Variants in SORL1-AS1 observed in about 807,000 individuals in gnomAD.
The protein encoded by SORL1-AS1 is lncRNA 51 A.
chr11:121,451,992 G>A (rs2134755762), intron 1 of SORL1-AS1, among the ~76,000 whole-genome samples: 1 of 152,320 alleles, frequency 6.6e-6, no homozygotes, highest in African/African-American at 2.4e-5. Flanking sequence ...GGGAGAACAA[G>A]GAGGTGTGCC....
At chr11:121,442,005 T>C in the SORL1-AS1 span, among the ~76,000 whole-genome samples, 1 of 152,194 alleles carries the variant, frequency 6.6e-6, no homozygotes, top group African/African-American at 2.4e-5. Flanking sequence ...AGTTTATTCA[T>C]GCCCAATCAT....
At chr11:121,438,712 G>T in the SORL1-AS1 span, among the ~76,000 whole-genome samples, 2 of 152,198 alleles carry the variant, frequency 1.3e-5, no homozygotes, top group Non-Finnish European at 2.9e-5. Context: ...CATTGGCATT[G>T]TTTCCAAAGT....
At chr11:121,446,170 T>A (rs993733201), downstream of SORL1-AS1, among the ~76,000 whole-genome samples, 2 of 152,260 alleles carry the variant, frequency 1.3e-5, no homozygotes, top group Non-Finnish European at 2.9e-5. Flanking sequence ...GGATCTACTC[T>A]GTCTCTGTTA....
chr11:121,444,604 G>A (rs147141789), downstream of SORL1-AS1, among the ~76,000 whole-genome samples: 1 of 152,304 alleles, frequency 6.6e-6, no homozygotes, highest in Non-Finnish European at 1.5e-5. Flanking sequence ...AATGATCTGG[G>A]CAAGATTAAA....
downstream of SORL1-AS1, among the ~76,000 whole-genome samples, chr11:121,446,298 A>G (rs931684415): frequency 6.6e-6 from 1 of 152,222 alleles, no homozygotes; most frequent in African/African-American, 2.4e-5. Flanking sequence ...AAGAGGCCTA[A>G]AGCAAGTTTC....
chr11:121,446,969 C>T (rs1262648311), downstream of SORL1-AS1, among the ~76,000 whole-genome samples: 1 of 152,148 alleles, frequency 6.6e-6, no homozygotes, highest in Non-Finnish European at 1.5e-5. Context: ...ACAGCAAAGG[C>T]CTCAAGGGAA....
exon 2 of SORL1-AS1, chr11:121,449,774 C>T (rs1223831403): frequency 6.6e-6 from 1 of 152,164 alleles, no homozygotes; most frequent in Non-Finnish European, 1.5e-5. Flanking sequence ...AACTGAAGCT[C>T]TGAGGAGGTT....
chr11:121,451,748 G>A (rs950610284), intron 1 of SORL1-AS1, among the ~76,000 whole-genome samples: 1 of 152,178 alleles, frequency 6.6e-6, no homozygotes, highest in African/African-American at 2.4e-5. Flanking sequence ...CCAATAGAGC[G>A]GGTTCATCTG....
At chr11:121,441,294 C>T in the SORL1-AS1 span, among the ~76,000 whole-genome samples, 6 of 151,134 alleles carry the variant, frequency 4.0e-5, no homozygotes, top group Middle Eastern at 3.2e-3. Flanking sequence ...GAGGCCGAGG[C>T]GGGCAGATCA....
rs1335731047 is a variant in SORL1-AS1 at position 121,452,299 on chromosome 11, G to A, written n.339+376C>T. The stretch of plus-strand genomic sequence containing the variant: ...CTCGCGCTGCACATTCTCTCCTGGC[G>A]GCGGCGCCACCTGCAGTAGCGTTCG... On this transcript the variant is annotated intron_variant and non_coding_transcript_variant, in intron 1 of 1. Transcript: ENST00000501964. The surrounding 1 kb of genome is among the most constrained non-coding windows in gnomAD (Gnocchi z 5.3). 2.7e-6 allele frequency: 4 copies of A among 1,467,668 alleles called. No individual in the cohort carries two copies. The highest frequency in any genetic ancestry group is 2.9e-5 in the African/African-American group (2 of 67,904). The allele number at this position is 1,467,668 out of a possible 1,614,324, so 90.9% of individuals were successfully genotyped here. A position where few individuals can be genotyped will look rare whatever the true frequency, so the allele number is the denominator to read the frequency against.
chr11:121,452,769 T>A lies in SORL1-AS1; in HGVS notation n.245A>T. Reference sequence around the variant, plus strand: ...TTTTTTTCCTTCACGAGTACAACCGTCAGCACTTGAATCGCATTGATCTTT... The same window carrying A: ...TTTTTTTCCTTCACGAGTACAACCGACAGCACTTGAATCGCATTGATCTTT... On this transcript the variant is annotated non_coding_transcript_exon_variant, in exon 1 of 2. Coordinates refer to ENST00000501964, the Ensembl canonical transcript of SORL1-AS1. The surrounding 1 kb of genome is among the most constrained non-coding windows in gnomAD (Gnocchi z 5.3). 1 of 580,566 alleles carries A rather than the reference T, an allele frequency of 1.7e-6. No homozygotes were observed. Among genetic ancestry groups the A allele is most frequent in the Non-Finnish European group, 2.8e-6 (1 of 359,778 alleles). 36.0% of individuals were successfully genotyped at this position (580,566 alleles called of 1,614,324 possible).
At chr11:121,443,070 C>T (rs1360454125), downstream of SORL1-AS1, among the ~76,000 whole-genome samples, 1 of 151,754 alleles carries the variant, frequency 6.6e-6, no homozygotes, top group East Asian at 1.9e-4. Context: ...AAAAGAGTGT[C>T]TATAAAACAT....
At chr11:121,447,559 CG>C (rs1555042434) in exon 2 of SORL1-AS1, 1 of 151,984 alleles carries the variant, frequency 6.6e-6, no homozygotes, top group Non-Finnish European at 1.5e-5. Context: ...ACGATCCTCC[CG>C]CCTTGGCCTC....
At chr11:121,441,300 G>C in the SORL1-AS1 span, among the ~76,000 whole-genome samples, 1 of 151,462 alleles carries the variant, frequency 6.6e-6, no homozygotes, top group African/African-American at 2.4e-5. Context: ...GAGGCGGGCA[G>C]ATCACGAGGT....
chr11:121,443,478 A>G (rs1195654747), downstream of SORL1-AS1, among the ~76,000 whole-genome samples: 1 of 152,244 alleles, frequency 6.6e-6, no homozygotes, highest in Non-Finnish European at 1.5e-5. Flanking sequence ...CTCCTGTTCC[A>G]TTGATGCTGG....
downstream of SORL1-AS1, among the ~76,000 whole-genome samples, chr11:121,444,316 C>T (rs76806381): frequency 6.8e-3 from 1,036 of 152,326 alleles, 8 homozygotes; most frequent in African/African-American, 0.024. Context: ...GCATCATTAG[C>T]TAAACAAGTT....
At chr11:121,442,666 T>C (rs1172655366), downstream of SORL1-AS1, among the ~76,000 whole-genome samples, 5 of 134,994 alleles carry the variant, frequency 3.7e-5, no homozygotes, top group Admixed American at 3.0e-4. Flanking sequence ...TATTTATTTA[T>C]TTATTTATTT....
At chr11:121,445,369 G>A (rs1332258356), downstream of SORL1-AS1, among the ~76,000 whole-genome samples, 1 of 152,188 alleles carries the variant, frequency 6.6e-6, no homozygotes, top group Non-Finnish European at 1.5e-5. Flanking sequence ...ACAGGTGCTG[G>A]AAGAAGCACT....
chr11:121,451,710 CCA>C (rs2134755368), intron 1 of SORL1-AS1, among the ~76,000 whole-genome samples: 1 of 152,278 alleles, frequency 6.6e-6, no homozygotes, highest in South Asian at 2.1e-4. Context: ...GTTGTGGTGC[CCA>C]GAGTAGATGA....
Sources: allele counts gnomAD v4.1 joint callset (sites outside exome capture counted in the v4.1 genomes callset), GRCh38; gene constraint gnomAD v4.1.1; non-coding constraint Gnocchi (gnomAD v3.1); transcripts MANE v1.5; gene names NCBI Gene and HGNC (gene_info 2026-07-23, HGNC 2026-07-21).